The following STPG2 variants were observed in gnomAD, a reference collection of about 807,000 sequenced individuals.
The protein encoded by STPG2 is sperm tail PG-rich repeat containing 2.
Under a neutral mutation model 54.2 loss-of-function variants are expected in STPG2, and 56 were observed. The observed-to-expected ratio is 1.03, with a 90% CI of 0.83 to 1.29. The LOEUF is 1.29. Among genes scored for constraint, STPG2 ranks in the 50% most tolerant of loss-of-function variants. The probability of loss-of-function intolerance (pLI) is 0.00; values close to 1 mark genes in which losing one functional copy is unlikely to be tolerated. For missense variants in STPG2, 596 were observed against 544.9 expected, an observed-to-expected ratio of 1.09 and a Z score of -0.93; for synonymous variants, 200 against 181.8, an observed-to-expected ratio of 1.10 and a Z score of -0.81.
At chr4:97,817,144 G>A (rs957557312) in intron 9 of STPG2, among the ~76,000 whole-genome samples, 4 of 150,104 alleles carry the variant, frequency 2.7e-5, no homozygotes, top group African/African-American at 9.7e-5. Context: ...GGAAATGTGT[G>A]ACTTTAGCAA....
At chr4:97,747,224 T>C (rs532652449) in intron 9 of STPG2, among the ~76,000 whole-genome samples, 1 of 151,456 alleles carries the variant, frequency 6.6e-6, no homozygotes, top group Non-Finnish European at 1.5e-5. Flanking sequence ...TTCCATGCAC[T>C]GCAATCTATT....
At chr4:97,910,104 T>G (rs1731620159) in intron 8 of STPG2, among the ~76,000 whole-genome samples, 1 of 152,130 alleles carries the variant, frequency 6.6e-6, no homozygotes, top group Non-Finnish European at 1.5e-5. Context: ...TCCTGCCCCT[T>G]CCCCACCAAG....
intron 4 of STPG2, among the ~76,000 whole-genome samples, chr4:97,532,286 T>A (rs768533295): frequency 2.6e-5 from 4 of 152,152 alleles, no homozygotes; most frequent in Non-Finnish European, 5.9e-5. Flanking sequence ...TTTTACTATA[T>A]CTATATTTGC....
rs370908350 is a variant in STPG2, at chr4:97,693,244, T to A, written c.1320+19455A>T. Among the ~76,000 whole-genome samples the A allele has an allele frequency of 5.9e-5, 9 of 152,110 alleles. No homozygotes were observed. In the East Asian group the frequency reaches 1.7e-3, roughly 29 times the overall value. On this transcript the variant is annotated intron_variant, in intron 10 of 10. Transcript: ENST00000295268. Reference sequence around the variant, plus strand: ...ATGTAAATGGCCTAAATGCTCCACTTAAAAGTTACAGAATGGCAGAATGAG... The same window carrying A: ...ATGTAAATGGCCTAAATGCTCCACTAAAAAGTTACAGAATGGCAGAATGAG...
chr4:97,881,734 CATACT>C (rs2149165254), intron 8 of STPG2, among the ~76,000 whole-genome samples: 1 of 152,288 alleles, frequency 6.6e-6, no homozygotes, highest in South Asian at 2.1e-4. Flanking sequence ...CTCAGACTTT[CATACT>C]TTTCCCATTT....
chr4:97,531,090 G>T (rs771261767), intron 4 of STPG2, among the ~76,000 whole-genome samples: 1 of 152,070 alleles, frequency 6.6e-6, no homozygotes, highest in Non-Finnish European at 1.5e-5. Flanking sequence ...TGGCAAGCAG[G>T]TATATGAAAA....
rs190653597 is a variant in STPG2, at chr4:97,463,812, G to A, written c.462+248887C>T. On this transcript the variant is annotated intron_variant, in intron 4 of 4. Coordinates refer to the STPG2 transcript ENST00000522676. ...ATCACTAATGGATCAATATTGATAC[G>A]TTACTGTTTAGTAACACCATATGTT... Among the ~76,000 whole-genome samples, 182 of 152,230 alleles carry A rather than the reference G, an allele frequency of 1.2e-3. 1 individual carries two copies. The highest frequency in any genetic ancestry group is 3.8e-3 in the African/African-American group (156 of 41,548).
In STPG2 at chr4:97,777,090, A is replaced by G. The variant is rs374406046; in HGVS notation, c.1204+63683T>C. On this transcript the variant is annotated intron_variant, in intron 9 of 10. Coordinates refer to ENST00000295268, the MANE Select transcript of STPG2 (RefSeq NM_174952.3). ...TATTAGGTTGTGATGATTAATCACT[A>G]TTATACAGGAGCTCAGTAAATAATA... is the stretch of plus-strand genomic sequence containing the variant. Among the ~76,000 whole-genome samples the G allele has an allele frequency of 7.2e-5, 11 of 152,320 alleles. No homozygotes were observed. The East Asian group carries it at 9.6e-4, about 13-fold the overall frequency.
At chr4:97,794,715 C>T (rs373559286) in intron 9 of STPG2, among the ~76,000 whole-genome samples, 3 of 152,070 alleles carry the variant, frequency 2.0e-5, no homozygotes, top group East Asian at 1.9e-4. Context: ...ATAGCTTCTA[C>T]TATAAAAGAA....
chr4:97,477,956 T>A (rs1730119975), intron 4 of STPG2, among the ~76,000 whole-genome samples: 1 of 152,132 alleles, frequency 6.6e-6, no homozygotes, highest in Non-Finnish European at 1.5e-5. Context: ...TAAATAAAAA[T>A]GCATCATGCA....
At chr4:97,497,801 T>A (rs1229223147) in intron 4 of STPG2, among the ~76,000 whole-genome samples, 1 of 151,866 alleles carries the variant, frequency 6.6e-6, no homozygotes, top group African/African-American at 2.4e-5. Flanking sequence ...AATTAGCAAG[T>A]TATCACTAAC....
chr4:97,626,185 A>G (rs1414426739), intron 10 of STPG2, among the ~76,000 whole-genome samples: 1 of 152,178 alleles, frequency 6.6e-6, no homozygotes, highest in Non-Finnish European at 1.5e-5. Flanking sequence ...AAAATATCAT[A>G]AACTCTCTTT....
chr4:97,888,437 G>T (rs977467412), intron 8 of STPG2, among the ~76,000 whole-genome samples: 6 of 152,234 alleles, frequency 3.9e-5, no homozygotes, highest in Non-Finnish European at 7.3e-5. Context: ...AGAGTCAAGA[G>T]AGATTATACT....
chr4:97,852,775 A>G (rs1345484252), intron 8 of STPG2, among the ~76,000 whole-genome samples: 5 of 152,092 alleles, frequency 3.3e-5, no homozygotes, highest in Non-Finnish European at 5.9e-5. Context: ...GGTATGGAAC[A>G]AGAAGAAAGG....
At chr4:97,509,246 C>T (rs962950183) in intron 4 of STPG2, among the ~76,000 whole-genome samples, 1 of 151,520 alleles carries the variant, frequency 6.6e-6, no homozygotes, top group Non-Finnish European at 1.5e-5. Flanking sequence ...TTTTTTTCCC[C>T]AGAATTCTTA....
At chr4:97,810,390 G>A (rs1727697864) in intron 9 of STPG2, among the ~76,000 whole-genome samples, 1 of 151,884 alleles carries the variant, frequency 6.6e-6, no homozygotes, top group Non-Finnish European at 1.5e-5. Flanking sequence ...CTTGAACCCG[G>A]GGGGCAGAGG....
At chr4:98,081,371 C>T (rs1030773566) in intron 5 of STPG2, among the ~76,000 whole-genome samples, 3 of 151,990 alleles carry the variant, frequency 2.0e-5, no homozygotes, top group Admixed American at 6.6e-5. Context: ...TAGTCATCGT[C>T]CATTGAGTTT....
chr4:97,908,084 C>T (rs1360718210), intron 8 of STPG2, among the ~76,000 whole-genome samples: 2 of 151,532 alleles, frequency 1.3e-5, no homozygotes, highest in East Asian at 1.9e-4. Flanking sequence ...AACAGGCAAC[C>T]TACAAAATGG....
At chr4:97,510,926 C>T (rs1730958242) in intron 4 of STPG2, among the ~76,000 whole-genome samples, 1 of 152,042 alleles carries the variant, frequency 6.6e-6, no homozygotes, top group Non-Finnish European at 1.5e-5. Context: ...TGTGATAATG[C>T]CACTGCACTA....
Sources: gnomAD v4.1 joint callset for allele counts (sites outside exome capture counted in the v4.1 genomes callset) on GRCh38, gnomAD v4.1.1 for gene constraint, MANE v1.5 for transcripts, NCBI Gene and HGNC (gene_info 2026-07-23, HGNC 2026-07-21) for gene names.